The following DYRK1A variants were observed in gnomAD, a reference collection of about 807,000 sequenced individuals.
DYRK1A encodes dual specificity tyrosine phosphorylation regulated kinase 1A, also known as dual specificity tyrosine-phosphorylation-regulated kinase 1A.
Under a neutral mutation model 79.7 loss-of-function variants are expected in DYRK1A, and 9 were observed. The observed-to-expected ratio is 0.11, with a 90% confidence interval of 0.07 to 0.20. The LOEUF (loss-of-function observed/expected upper bound fraction) is 0.20, where lower values mean the gene tolerates loss of function less well. DYRK1A is among the 10% of genes least tolerant of loss of function. DYRK1A has a pLI of 1.00. For synonymous variants in DYRK1A, 349 were observed against 329.7 expected (o/e 1.06, Z -0.63); for missense variants, 622 against 956.0 (o/e 0.65, Z 4.61).
chr21:37,469,186 G>T (rs548483005), intron 2 of DYRK1A, among the ~76,000 whole-genome samples: 2 of 152,252 alleles, frequency 1.3e-5, no homozygotes, highest in African/African-American at 4.8e-5. Context: ...GGAGTGGAGC[G>T]TGAGAATTTT....
chr21:37,509,732 A>G (rs1282547064), intron 11 of DYRK1A, among the ~76,000 whole-genome samples: 1 of 152,208 alleles, frequency 6.6e-6, no homozygotes, highest in Non-Finnish European at 1.5e-5. Flanking sequence ...CCGGTCCCCT[A>G]TTTATTAATG....
Position 37,479,606 on chromosome 21 carries a change from G to GTTTTTTTTTTTTTTTTTTTTTTTTT in DYRK1A, c.301-1027_301-1026insTTTTTTTTTTTTTTTTTTTTTTTTT, listed in dbSNP as rs1183029117. On this transcript the variant is annotated intron_variant, in intron 4 of 11. Transcript: ENST00000647188. ...GTGTTGGTGTTTTGTTTTTGTTTTT[G>GTTTTTTTTTTTTTTTTTTTTTTTTT]TTTTTGTTTTTTGTTTTTTTTTTTT... 1.8e-3 allele frequency among the ~76,000 whole-genome samples: 51 copies of GTTTTTTTTTTTTTTTTTTTTTTTTT among 27,600 alleles called. 5 individuals carry two copies. The highest frequency in any genetic ancestry group is 8.0e-3 in the East Asian group (7 of 880). The allele number at this position is 27,600 out of a possible 152,430, so 18.1% of individuals were successfully genotyped here. A position where few individuals can be genotyped will look rare whatever the true frequency, so the allele number is the denominator to read the frequency against.
chr21:37,511,849 A>G, intron 11 of DYRK1A, 62 bp from the exon 12 acceptor site: 3 of 1,548,816 alleles, frequency 1.9e-6, no homozygotes, highest in Admixed American at 1.9e-5. Flanking sequence ...ATGGCTTTTG[A>G]TGGAAGATTA....
At chr21:37,441,517 A>G (rs1344958990) in intron 2 of DYRK1A, among the ~76,000 whole-genome samples, 2 of 151,862 alleles carry the variant, frequency 1.3e-5, no homozygotes, top group Admixed American at 6.6e-5. Context: ...AAATTTTTAA[A>G]TGATTTGATT....
rs771919737 is a variant in DYRK1A at position 37,472,713 on chromosome 21, T to C, written c.40T>C (p.Ser14Pro). The C allele has an allele frequency of 6.2e-7, 1 of 1,604,468 alleles. No homozygotes were observed. Among genetic ancestry groups the C allele is most frequent in the South Asian group, 1.1e-5 (1 of 89,882 alleles). ...AGAGACTTCAGCATGCAAACCTTCA[T>C]CTGTTCGGCTTGCACCGTCATTTTC... Reference protein sequence around the residue: ...GGETSACKPSSVRLAPSFSFH... With the variant: ...GGETSACKPSPVRLAPSFSFH... Residue 14 changes from serine (S) to proline (P), a missense_variant, in exon 3 of 12, where the codon TCT becomes CCT. Ser to Pro is a moderately conservative substitution (Grantham distance 74). Transcript: ENST00000647188.
rs746939434 is a variant in DYRK1A at position 37,516,406 on chromosome 21, T to G, written c.*3875T>G. The G allele has an allele frequency of 6.6e-5, 10 of 152,240 alleles. No homozygotes were observed. Among genetic ancestry groups the G allele is most frequent in the Non-Finnish European group, 1.3e-4 (9 of 68,036 alleles). 9.4% of individuals were successfully genotyped at this position (152,240 alleles called of 1,614,324 possible). A position where few individuals can be genotyped will look rare whatever the true frequency, so the allele number is the denominator to read the frequency against. Reference sequence around the variant, plus strand: ...AGTAGAGGAGAAGTTCTGATTTTCATAACCCTGGTTTCTTATCTAGGCCTG... The same window carrying G: ...AGTAGAGGAGAAGTTCTGATTTTCAGAACCCTGGTTTCTTATCTAGGCCTG... On this transcript the variant is annotated 3_prime_UTR_variant, in exon 12 of 12. Coordinates refer to ENST00000647188, the MANE Select transcript of DYRK1A (RefSeq NM_001347721.2).
At chr21:37,478,766 C>A (rs17814746) in intron 4 of DYRK1A, among the ~76,000 whole-genome samples, 17,125 of 152,090 alleles carry the variant, frequency 0.11, 1,261 homozygotes, top group Non-Finnish European at 0.16. Context: ...TTTGATCTAT[C>A]TATATTTCTG....
At position 37,512,684 on chromosome 21, in the gene DYRK1A, G is replaced by C; in HGVS notation, c.*153G>C. 2 of 833,864 alleles carry C rather than the reference G, an allele frequency of 2.4e-6. No homozygotes were observed. The highest frequency in any genetic ancestry group is 3.7e-6 in the Non-Finnish European group (2 of 547,746). 51.7% of individuals were successfully genotyped at this position (833,864 alleles called of 1,614,324 possible). ...GCTGATTTTTTTTTTAACTTGAAAAGATTGCAAAGGGACATTGAAGTGTTT... is the reference window on the plus strand; with the variant it reads ...GCTGATTTTTTTTTTAACTTGAAAACATTGCAAAGGGACATTGAAGTGTTT... On this transcript the variant is annotated 3_prime_UTR_variant, in exon 12 of 12. Coordinates refer to ENST00000647188, the MANE Select transcript of DYRK1A (RefSeq NM_001347721.2).
At position 37,490,480 on chromosome 21, in the gene DYRK1A, C is replaced by A; in HGVS notation, c.924+19C>A. The A allele has an allele frequency of 1.3e-6, 2 of 1,597,638 alleles. No homozygotes were observed. The highest frequency in any genetic ancestry group is 1.7e-6 in the Non-Finnish European group (2 of 1,171,340). ...GCAGAGGGTAAGTATTATTTCAGAACTTGTGAATTAAATAGAAATTAAATA... is the reference window on the plus strand; with the variant it reads ...GCAGAGGGTAAGTATTATTTCAGAAATTGTGAATTAAATAGAAATTAAATA... On this transcript the variant is annotated intron_variant, in intron 7 of 11. Transcript: ENST00000647188.
chr21:37,495,962 G>A (rs2053254863), intron 8 of DYRK1A, 156 bp from the exon 9 acceptor site: 1 of 616,048 alleles, frequency 1.6e-6, no homozygotes, highest in East Asian at 2.9e-5. Flanking sequence ...GGAAGGTAGG[G>A]CCTTTCTTGT....
intron 1 of DYRK1A, chr21:37,419,425 C>G (rs1180106889): frequency 6.6e-6 from 1 of 152,172 alleles, no homozygotes; most frequent in Non-Finnish European, 1.5e-5. Flanking sequence ...TTTGGTATTT[C>G]TTCTGCAGCG....
chr21:37,451,276 C>CT (rs1362106444), intron 2 of DYRK1A, among the ~76,000 whole-genome samples: 1 of 152,078 alleles, frequency 6.6e-6, no homozygotes, highest in East Asian at 1.9e-4. Flanking sequence ...TGTACAATGT[C>CT]TATAAAGTCG....
At chr21:37,485,434 T>C (rs1333352227) in intron 5 of DYRK1A, among the ~76,000 whole-genome samples, 1 of 152,164 alleles carries the variant, frequency 6.6e-6, no homozygotes, top group East Asian at 1.9e-4. Context: ...CCAAGTTTGA[T>C]TTCAGTTGAG....
chr21:37,457,248 C>G (rs769070584), intron 2 of DYRK1A, among the ~76,000 whole-genome samples: 2 of 151,648 alleles, frequency 1.3e-5, no homozygotes, highest in Non-Finnish European at 2.9e-5. Flanking sequence ...GTATCCCCCC[C>G]GCAAGACAGA....
At chr21:37,368,736 G>A (rs922716899) in intron 1 of DYRK1A, among the ~76,000 whole-genome samples, 4 of 152,180 alleles carry the variant, frequency 2.6e-5, no homozygotes, top group African/African-American at 9.7e-5. Context: ...TCATACAGCT[G>A]GGACTCCAGG....
rs142920654 is a variant in DYRK1A at position 37,489,844 on chromosome 21, A to G, written c.638-331A>G. Among the ~76,000 whole-genome samples, 635 of 152,268 alleles carry G rather than the reference A, an allele frequency of 4.2e-3. 4 individuals are homozygous for G. In the Middle Eastern group the frequency reaches 0.044, roughly 11 times the overall value. ...AAAAAGTGCTTTCTTTTATAAATGA[A>G]GATAAAATTGCTGAAATATTCTCAC... On this transcript the variant is annotated intron_variant, in intron 6 of 11. Transcript: ENST00000647188.
intron 2 of DYRK1A, among the ~76,000 whole-genome samples, chr21:37,465,179 AC>A (rs1209120320): frequency 1.3e-5 from 2 of 152,192 alleles, no homozygotes; most frequent in African/African-American, 4.8e-5. Flanking sequence ...AATGTCACTA[AC>A]TAGTTATGAT....
At chr21:37,397,009 C>T (rs2049970080) in intron 1 of DYRK1A, among the ~76,000 whole-genome samples, 2 of 152,034 alleles carry the variant, frequency 1.3e-5, no homozygotes. Context: ...GGGTATAGTC[C>T]TCGTGTGTTG....
intron 7 of DYRK1A, among the ~76,000 whole-genome samples, chr21:37,491,603 G>A (rs2053098839): frequency 6.6e-6 from 1 of 152,128 alleles, no homozygotes; most frequent in African/African-American, 2.4e-5. Flanking sequence ...ATGGTAGTGA[G>A]GCTATCAAAT....
Sources: allele counts gnomAD v4.1 joint callset (sites outside exome capture counted in the v4.1 genomes callset), GRCh38; gene constraint gnomAD v4.1.1; transcripts MANE v1.5; gene names NCBI Gene and HGNC (gene_info 2026-07-23, HGNC 2026-07-21).